The following CCDC68 variants were observed in gnomAD, a reference collection of about 807,000 sequenced individuals.
The protein encoded by CCDC68 is coiled-coil domain-containing protein 68.
CCDC68 carries 45 observed loss-of-function variants against 47.1 expected under a neutral mutation model. The ratio of observed to expected loss-of-function variants is 0.96; its 90% confidence interval spans 0.75 to 1.23. The LOEUF is 1.23. CCDC68 is among the 50% of genes most tolerant of loss of function. The probability of loss-of-function intolerance (pLI) is 0.00; values close to 1 mark genes in which losing one functional copy is unlikely to be tolerated. For synonymous variants in CCDC68, 131 were observed against 129.5 expected (o/e 1.01, Z -0.08); for missense variants, 353 against 373.6 (o/e 0.94, Z 0.45).
At chr18:54,909,864 G>A (rs1047046150) in intron 10 of CCDC68, among the ~76,000 whole-genome samples, 3 of 152,242 alleles carry the variant, frequency 2.0e-5, no homozygotes, top group Non-Finnish European at 4.4e-5. Flanking sequence ...GGCTCAGGGA[G>A]CTCCCAGGTC....
At chr18:54,925,742 A>G (rs1213263948) in intron 8 of CCDC68, among the ~76,000 whole-genome samples, 16 of 152,138 alleles carry the variant, frequency 1.1e-4, no homozygotes, top group Admixed American at 9.2e-4. Flanking sequence ...TTAGGATCCA[A>G]TGTTTCTCTG....
intron 1 of CCDC68, among the ~76,000 whole-genome samples, chr18:54,951,874 A>G (rs2044625601): frequency 1.3e-5 from 2 of 152,186 alleles, no homozygotes; most frequent in Non-Finnish European, 2.9e-5. Flanking sequence ...ACCAGCTGGG[A>G]GGTCTTGGAA....
intron 8 of CCDC68, among the ~76,000 whole-genome samples, chr18:54,923,401 T>C (rs1317985106): frequency 2.0e-5 from 3 of 151,396 alleles, no homozygotes; most frequent in Non-Finnish European, 2.9e-5. Context: ...AAATTTCCCA[T>C]GTACTCCTTG....
intron 7 of CCDC68, 43 bp downstream of exon 7, chr18:54,934,777 A>T (rs2145534734): frequency 2.2e-6 from 3 of 1,358,068 alleles, no homozygotes; most frequent in Middle Eastern, 1.9e-4. Context: ...TTCTCATCCT[A>T]ATGCTGTCAG....
rs150798277 is a variant in CCDC68 at position 54,919,232 on chromosome 18, C to T, written c.789+39G>A. The T allele has an allele frequency of 2.0e-4, 308 of 1,515,058 alleles. No individual in the cohort carries two copies. The African/African-American group carries it at 3.7e-3, about 18-fold the overall frequency. 93.9% of individuals were successfully genotyped at this position (1,515,058 alleles called of 1,614,324 possible). A position where few individuals can be genotyped will look rare whatever the true frequency, so the allele number is the denominator to read the frequency against. ...TCGTATTTGGGCTCCACGCTGTAAA[C>T]ATACTGTCTACCAGATAAATACACT... is the stretch of plus-strand genomic sequence containing the variant. On this transcript the variant is annotated intron_variant, in intron 9 of 11. Coordinates refer to ENST00000591504, the MANE Select transcript of CCDC68 (RefSeq NM_025214.3).
At chr18:54,919,125 A>G in intron 9 of CCDC68, 146 bp downstream of exon 9, 2 of 636,490 alleles carry the variant, frequency 3.1e-6, no homozygotes, top group Non-Finnish European at 5.6e-6. Flanking sequence ...CATTGAAAAC[A>G]GAGACATATT....
rs775229151 is a variant in CCDC68 at position 54,904,403 on chromosome 18, G to A, written c.963C>T (p.Thr321=). The A allele has an allele frequency of 9.3e-6, 15 of 1,612,840 alleles. No individual in the cohort carries two copies. The Admixed American group carries it at 1.2e-4, about 13-fold the overall frequency. The change falls in exon 12 of 12, where the codon ACC becomes ACT. Residue 321 remains threonine, a synonymous_variant. Transcript: ENST00000591504. The part of the protein sequence containing the change: ...SKAVSTSELK[T]EGVSPYLMLI... ...ACATTAAATAAGGGGAAACACCTTC[G>A]GTCTTCAATTCACTGTAGAAAAGAC...
At position 54,934,630 on chromosome 18, in the gene CCDC68, G is replaced by A. The variant is rs1366128312; in HGVS notation, c.600+190C>T. 3.3e-5 allele frequency among the ~76,000 whole-genome samples: 5 copies of A among 152,218 alleles called. No individual in the cohort carries two copies. In the South Asian group the frequency reaches 1.0e-3, roughly 32 times the overall value. Reference sequence around the variant, plus strand: ...GCAGAAAGGTAAATCAATCACCACAGTATAGATCATATGAAATGTTTATGG... The same window carrying A: ...GCAGAAAGGTAAATCAATCACCACAATATAGATCATATGAAATGTTTATGG... On this transcript the variant is annotated intron_variant, in intron 7 of 11. Transcript: ENST00000591504.
chr18:54,922,703 T>C (rs2044080925), intron 8 of CCDC68, among the ~76,000 whole-genome samples: 1 of 150,722 alleles, frequency 6.6e-6, no homozygotes, highest in Non-Finnish European at 1.5e-5. Context: ...AATGCAAAAA[T>C]TATGCTGGGT....
chr18:54,936,243 A>ATG (rs1259144342), intron 6 of CCDC68, among the ~76,000 whole-genome samples: 2 of 144,140 alleles, frequency 1.4e-5, no homozygotes, highest in Non-Finnish European at 3.0e-5. Flanking sequence ...TAAAAAATAT[A>ATG]TAGTTATATA....
chr18:54,910,562 T>A (rs1914297496), intron 10 of CCDC68, among the ~76,000 whole-genome samples: 1 of 152,212 alleles, frequency 6.6e-6, no homozygotes, highest in Non-Finnish European at 1.5e-5. Context: ...AGACCCTTCC[T>A]GTCCTGAAGG....
intron 8 of CCDC68, among the ~76,000 whole-genome samples, chr18:54,927,924 A>AG (rs1448569417): frequency 6.6e-6 from 1 of 152,166 alleles, no homozygotes; most frequent in Non-Finnish European, 1.5e-5. Context: ...GGGAGCCTGT[A>AG]GGGGGGAAAT....
intron 8 of CCDC68, among the ~76,000 whole-genome samples, chr18:54,921,375 T>C (rs2044057502): frequency 6.6e-6 from 1 of 152,190 alleles, no homozygotes; most frequent in African/African-American, 2.4e-5. Flanking sequence ...AATCAGAAGC[T>C]TTATTTTAAT....
At chr18:54,932,292 C>T (rs2044278002) in intron 7 of CCDC68, among the ~76,000 whole-genome samples, 1 of 150,944 alleles carries the variant, frequency 6.6e-6, no homozygotes, top group Admixed American at 6.6e-5. Flanking sequence ...TCAAGTGATT[C>T]TCATGCCTCA....
rs551461890 is a variant in CCDC68 at position 54,930,367 on chromosome 18, A to C, written c.601-1485T>G. Among the ~76,000 whole-genome samples, 3 of 152,314 alleles carry C rather than the reference A, an allele frequency of 2.0e-5. No homozygotes were observed. In the East Asian group the frequency reaches 5.8e-4, roughly 29 times the overall value. Reference sequence around the variant, plus strand: ...ACCTATATTGAAATGTTGGGATAATAGAGATAATATATGTAAAAGGCATAC... The same window carrying C: ...ACCTATATTGAAATGTTGGGATAATCGAGATAATATATGTAAAAGGCATAC... On this transcript the variant is annotated intron_variant, in intron 7 of 11. Coordinates refer to ENST00000591504, the MANE Select transcript of CCDC68 (RefSeq NM_025214.3).
chr18:54,956,871 T>G (rs756330437), intron 1 of CCDC68, among the ~76,000 whole-genome samples: 4 of 152,144 alleles, frequency 2.6e-5, no homozygotes, highest in Non-Finnish European at 5.9e-5. Flanking sequence ...AATCATTGAA[T>G]TATACACTTG....
At chr18:54,951,962 G>T (rs747215440) in intron 1 of CCDC68, among the ~76,000 whole-genome samples, 9 of 152,314 alleles carry the variant, frequency 5.9e-5, no homozygotes, top group Admixed American at 3.9e-4. Context: ...AGAGCTATGT[G>T]AGGATTAAAT....
chr18:54,909,094 C>T (rs1255754175), intron 10 of CCDC68, among the ~76,000 whole-genome samples: 1 of 152,192 alleles, frequency 6.6e-6, no homozygotes, highest in Non-Finnish European at 1.5e-5. Context: ...CAATGCCAAG[C>T]TGTTTCCTCC....
intron 8 of CCDC68, among the ~76,000 whole-genome samples, chr18:54,924,260 T>G (rs985087631): frequency 2.0e-5 from 3 of 151,622 alleles, no homozygotes; most frequent in Non-Finnish European, 4.4e-5. Context: ...TCCTGCTAAA[T>G]ACAACTAAAA....
Sources: allele counts gnomAD v4.1 joint callset (sites outside exome capture counted in the v4.1 genomes callset), GRCh38; gene constraint gnomAD v4.1.1; transcripts MANE v1.5; gene names NCBI Gene and HGNC (gene_info 2026-07-23, HGNC 2026-07-21).